The following TRIO variants were observed in gnomAD, a reference collection of about 807,000 sequenced individuals.
The protein encoded by TRIO is triple functional domain protein.
Under a neutral mutation model 351.9 loss-of-function variants are expected in TRIO, and 58 were observed. That is an observed-to-expected ratio of 0.16 (90% CI 0.13 to 0.21). The LOEUF is 0.21. Ranked by LOEUF, TRIO falls within the 10% of genes least tolerant of loss-of-function variation. The pLI, the probability that TRIO is intolerant of heterozygous loss-of-function variation, is 1.00. For synonymous variants in TRIO, 1,758 were observed against 1,595.7 expected (o/e 1.10, Z -2.42); for missense variants, 3,201 against 4,027.8 (o/e 0.79, Z 5.56).
intron 34 of TRIO, among the ~76,000 whole-genome samples, chr5:14,457,373 T>TA: frequency 2.0e-5 from 1 of 48,966 alleles, no homozygotes. Context: ...AGCCCTGACC[T>TA]CCCCCCCCCC....
chr5:14,258,778 A>G (rs1795170616), intron 1 of TRIO, among the ~76,000 whole-genome samples: 1 of 152,220 alleles, frequency 6.6e-6, no homozygotes, highest in Admixed American at 6.5e-5. Flanking sequence ...CCTGCTCCAC[A>G]GCAGTGGCCC....
At chr5:14,226,099 C>T (rs1034611589) in intron 1 of TRIO, among the ~76,000 whole-genome samples, 20 of 152,010 alleles carry the variant, frequency 1.3e-4, no homozygotes, top group African/African-American at 4.4e-4. Flanking sequence ...TGGTTAATGC[C>T]GGAGCTCACA....
chr5:14,402,761 C>T (rs1331646228), intron 31 of TRIO, among the ~76,000 whole-genome samples: 7 of 148,242 alleles, frequency 4.7e-5, no homozygotes, highest in Non-Finnish European at 9.0e-5. Flanking sequence ...ATGGTGGTGG[C>T]ATAGACTTTG....
At chr5:14,403,555 G>A (rs1748378445) in intron 31 of TRIO, among the ~76,000 whole-genome samples, 1 of 116,962 alleles carries the variant, frequency 8.5e-6, no homozygotes, top group Non-Finnish European at 1.8e-5. Context: ...AGGTTGTGAG[G>A]GTGCAGGTTG....
At chr5:14,180,920 A>T (rs985025646) in intron 1 of TRIO, among the ~76,000 whole-genome samples, 2 of 152,030 alleles carry the variant, frequency 1.3e-5, no homozygotes, top group African/African-American at 2.4e-5. Context: ...GAGTTGGCTT[A>T]TTTTCTGTAT....
At chr5:14,305,339 C>A (rs1218952810) in intron 8 of TRIO, among the ~76,000 whole-genome samples, 1 of 152,212 alleles carries the variant, frequency 6.6e-6, no homozygotes, top group Non-Finnish European at 1.5e-5. Flanking sequence ...CACCCTTGCC[C>A]ATGCCTTGTT....
At chr5:14,417,430 C>T (rs139476994) in intron 33 of TRIO, among the ~76,000 whole-genome samples, 2 of 152,350 alleles carry the variant, frequency 1.3e-5, no homozygotes, top group African/African-American at 4.8e-5. Context: ...ATCAACAGCA[C>T]ACAGCATGGC....
At chr5:14,215,982 C>G (rs1792191673) in intron 1 of TRIO, among the ~76,000 whole-genome samples, 1 of 152,124 alleles carries the variant, frequency 6.6e-6, no homozygotes, top group Admixed American at 6.5e-5. Context: ...TGATCTTAGC[C>G]ATGCTGCTTG....
At position 14,337,942 on chromosome 5, in the gene TRIO, G is replaced by A. The variant is rs77710885; in HGVS notation, c.2046+1215G>A. 5.5e-3 allele frequency among the ~76,000 whole-genome samples: 832 copies of A among 152,300 alleles called. 8 individuals carry two copies. Among genetic ancestry groups the A allele is most frequent in the African/African-American group, 0.018 (746 of 41,554 alleles). On this transcript the variant is annotated intron_variant, in intron 11 of 56. Coordinates refer to ENST00000344204, the MANE Select transcript of TRIO (RefSeq NM_007118.4). ...TTCTTGGTCCCGAGATGGTCATCAG[G>A]ATAGAAACTGGCACAGCTAACTTCT... is the stretch of plus-strand genomic sequence containing the variant.
At position 14,147,511 on chromosome 5, in the gene TRIO, C is replaced by T. The variant is rs551736472; in HGVS notation, c.157+3629C>T. 3.3e-5 allele frequency among the ~76,000 whole-genome samples: 5 copies of T among 152,246 alleles called. No homozygotes were observed. The East Asian group carries it at 9.6e-4, about 29-fold the overall frequency. ...CAGTATTTTTAACCTGCCTGGCACG[C>T]TTTAGGTTGGCGTTAAATGAATATC... On this transcript the variant is annotated intron_variant, in intron 1 of 56. Coordinates refer to ENST00000344204, the MANE Select transcript of TRIO (RefSeq NM_007118.4).
rs184245546 is a variant in TRIO, at chr5:14,380,060, C to A, written c.3448-1070C>A. On this transcript the variant is annotated intron_variant, in intron 20 of 56. Coordinates refer to ENST00000344204, the MANE Select transcript of TRIO (RefSeq NM_007118.4). ...CTTGTTCTTATCTCTCTTTCCTCTT[C>A]TGTCTTTTCTGTGCGCTGTCTCCCA... is the stretch of plus-strand genomic sequence containing the variant. Among the ~76,000 whole-genome samples, 46 of 152,292 alleles carry A rather than the reference C, an allele frequency of 3.0e-4. No individual in the cohort carries two copies. In the East Asian group the frequency reaches 8.1e-3, roughly 27 times the overall value.
At chr5:14,453,218 A>G (rs1019490010) in intron 34 of TRIO, among the ~76,000 whole-genome samples, 15 of 152,198 alleles carry the variant, frequency 9.9e-5, no homozygotes, top group African/African-American at 3.6e-4. Context: ...CTTCAAGCAG[A>G]TCACAGATGG....
intron 34 of TRIO, among the ~76,000 whole-genome samples, chr5:14,431,539 A>T (rs1002569291): frequency 1.3e-5 from 2 of 152,138 alleles, no homozygotes; most frequent in Middle Eastern, 3.4e-3. Flanking sequence ...TCTCTCCCCA[A>T]CCCCTTTTCA....
intron 11 of TRIO, among the ~76,000 whole-genome samples, chr5:14,357,532 T>G (rs929182907): frequency 1.3e-5 from 2 of 152,146 alleles, no homozygotes; most frequent in South Asian, 2.1e-4. Context: ...GCAGCCTGTT[T>G]TATGGTGGTG....
intron 2 of TRIO, among the ~76,000 whole-genome samples, chr5:14,278,811 A>T (rs1024406065): frequency 6.6e-6 from 1 of 152,194 alleles, no homozygotes; most frequent in South Asian, 2.1e-4. Flanking sequence ...TCATTCATAA[A>T]TGTTAGCCCC....
intron 1 of TRIO, among the ~76,000 whole-genome samples, chr5:14,145,417 A>C (rs886762311): frequency 7.9e-5 from 12 of 152,170 alleles, no homozygotes; most frequent in African/African-American, 2.9e-4. Flanking sequence ...TCTACTCCCC[A>C]GTGCTCACTC....
Position 14,508,755 on chromosome 5 carries a change from G to A in TRIO, c.*333G>A. 1 of 230,268 alleles carries A rather than the reference G, an allele frequency of 4.3e-6. No homozygotes were observed. The highest frequency in any genetic ancestry group is 8.3e-5 in the South Asian group (1 of 12,096). 14.3% of individuals were successfully genotyped at this position (230,268 alleles called of 1,614,324 possible). Reference sequence around the variant, plus strand: ...TTTAACGTTTTCAAGATTTATTCAAGGAAACAAAATGCCTATGTTCAACCA... The same window carrying A: ...TTTAACGTTTTCAAGATTTATTCAAAGAAACAAAATGCCTATGTTCAACCA... On this transcript the variant is annotated 3_prime_UTR_variant, in exon 57 of 57. Transcript: ENST00000344204.
rs376504775 is a variant in TRIO, at chr5:14,502,715, A to G, written c.8411+58A>G. On this transcript the variant is annotated intron_variant, in intron 54 of 56. Transcript: ENST00000344204. The stretch of plus-strand genomic sequence containing the variant: ...GAGCAGAGCGTGGGGAAGACATACC[A>G]GAGAGTGCAGGGATAAAGCTAAGCA... 4 of 1,520,536 alleles carry G rather than the reference A, an allele frequency of 2.6e-6. No homozygotes were observed. The African/African-American group carries it at 5.5e-5, about 21-fold the overall frequency. 94.2% of individuals were successfully genotyped at this position (1,520,536 alleles called of 1,614,324 possible).
intron 4 of TRIO, among the ~76,000 whole-genome samples, chr5:14,288,666 CAAA>C (rs5866094): frequency 6.9e-6 from 1 of 144,818 alleles, no homozygotes; most frequent in Non-Finnish European, 1.5e-5. Flanking sequence ...GATTCCGCCT[CAAA>C]AAAAAAAAAA....
Sources: gnomAD v4.1 joint callset for allele counts (sites outside exome capture counted in the v4.1 genomes callset) on GRCh38, gnomAD v4.1.1 for gene constraint, MANE v1.5 for transcripts, NCBI Gene and HGNC (gene_info 2026-07-23, HGNC 2026-07-21) for gene names.